PDE10A: variants seen among roughly 807,000 people sequenced by gnomAD.
The protein encoded by PDE10A is phosphodiesterase 10A, also known as cAMP and cAMP-inhibited cGMP 3',5'-cyclic phosphodiesterase 10A.
PDE10A carries 39 observed loss-of-function variants against 97.7 expected under a neutral mutation model. The ratio of observed to expected loss-of-function variants is 0.40; its 90% CI spans 0.31 to 0.52. The LOEUF (loss-of-function observed/expected upper bound fraction) is 0.52. Among genes scored for constraint, PDE10A ranks in the 20% least tolerant of loss-of-function variants. PDE10A has a pLI of 0.56. For missense variants in PDE10A, 731 were observed against 1,047.8 expected, an observed-to-expected ratio of 0.70 and a Z score of 4.17; for synonymous variants, 371 against 376.8, an observed-to-expected ratio of 0.98 and a Z score of 0.18.
Position 165,543,619 on chromosome 6 carries a change from C to G in PDE10A, c.866-51G>C, listed in dbSNP as rs995471558. On this transcript the variant is annotated intron_variant, in intron 1 of 21. Coordinates refer to ENST00000539869, the MANE Select transcript of PDE10A (RefSeq NM_001385079.1). The stretch of plus-strand genomic sequence containing the variant: ...ATTCACCTATACAACATCCTCATAT[C>G]AATGAAAGGTATAGTATCACAACAC... The G allele has an allele frequency of 1.1e-5, 15 of 1,421,602 alleles. No individual in the cohort carries two copies. The Admixed American group carries it at 2.4e-4, about 23-fold the overall frequency. 88.1% of individuals were successfully genotyped at this position (1,421,602 alleles called of 1,614,324 possible). A position where few individuals can be genotyped will look rare whatever the true frequency, so the allele number is the denominator to read the frequency against.
chr6:165,646,694 C>T (rs1789413772), intron 1 of PDE10A, among the ~76,000 whole-genome samples: 1 of 152,132 alleles, frequency 6.6e-6, no homozygotes, highest in Non-Finnish European at 1.5e-5. Flanking sequence ...GGCATCGCCA[C>T]CCACCTGCTC....
chr6:165,533,972 T>C lies in PDE10A; in HGVS notation c.994+9468A>G, dbSNP rs533153118. ...GCTGTGGATCCTTGGTCAAAAGGCATAAGTGATTTCCCTAACCTGGCCAAA... is the reference window on the plus strand; with the variant it reads ...GCTGTGGATCCTTGGTCAAAAGGCACAAGTGATTTCCCTAACCTGGCCAAA... On this transcript the variant is annotated intron_variant, in intron 2 of 21. Transcript: ENST00000539869. Among the ~76,000 whole-genome samples, 10 of 152,070 alleles carry C rather than the reference T, an allele frequency of 6.6e-5. No homozygotes were observed. In the South Asian group the frequency reaches 1.9e-3, roughly 28 times the overall value.
At chr6:165,758,096 G>A (rs191760597) in intron 1 of PDE10A, among the ~76,000 whole-genome samples, 133 of 152,280 alleles carry the variant, frequency 8.7e-4, no homozygotes, top group African/African-American at 2.9e-3. Context: ...TATGATTGAT[G>A]CTAAATTATC....
At chr6:165,759,759 C>T (rs1041280212) in intron 1 of PDE10A, among the ~76,000 whole-genome samples, 3 of 152,184 alleles carry the variant, frequency 2.0e-5, no homozygotes, top group Non-Finnish European at 4.4e-5. Flanking sequence ...TCAGTGAAAA[C>T]GTGGAAAACC....
chr6:165,889,835 G>A (rs117431321), intron 1 of PDE10A, among the ~76,000 whole-genome samples: 7,077 of 129,626 alleles, frequency 0.055, 245 homozygotes, highest in Middle Eastern at 0.12. Context: ...CCTCCCTCTC[G>A]CCCCACTCAC....
At chr6:165,595,731 G>C (rs914557133) in intron 1 of PDE10A, among the ~76,000 whole-genome samples, 25 of 152,224 alleles carry the variant, frequency 1.6e-4, no homozygotes, top group African/African-American at 5.8e-4. Context: ...AGCACCAGTA[G>C]ACTCAACGTC....
chr6:165,716,360 A>G (rs937606427), intron 1 of PDE10A, among the ~76,000 whole-genome samples: 4 of 152,226 alleles, frequency 2.6e-5, no homozygotes, highest in African/African-American at 9.7e-5. Context: ...ATTAAATGCA[A>G]GCTGCCTGGG....
At chr6:165,898,044 T>C (rs1782004668) in intron 1 of PDE10A, among the ~76,000 whole-genome samples, 1 of 148,106 alleles carries the variant, frequency 6.8e-6, no homozygotes, top group Non-Finnish European at 1.5e-5. Context: ...TCCCACATCG[T>C]GGCAAGGGCT....
intron 1 of PDE10A, among the ~76,000 whole-genome samples, chr6:165,582,354 G>A (rs777901035): frequency 6.6e-6 from 1 of 152,176 alleles, no homozygotes; most frequent in African/African-American, 2.4e-5. Context: ...AAACTGTACA[G>A]TGAGAGCTTC....
intron 1 of PDE10A, among the ~76,000 whole-genome samples, chr6:165,901,446 G>A (rs368139012): frequency 6.6e-6 from 1 of 152,242 alleles, no homozygotes; most frequent in East Asian, 1.9e-4. Flanking sequence ...CAGGGCTCCG[G>A]GTCTCACGTG....
chr6:165,448,107 A>G (rs924518009), intron 5 of PDE10A, among the ~76,000 whole-genome samples: 6 of 152,250 alleles, frequency 3.9e-5, no homozygotes, highest in African/African-American at 1.2e-4. Flanking sequence ...CAGGTAGCAT[A>G]TTGCAAAAAT....
chr6:165,457,676 C>T (rs1054056491), intron 3 of PDE10A, among the ~76,000 whole-genome samples: 1 of 152,108 alleles, frequency 6.6e-6, no homozygotes, highest in African/African-American at 2.4e-5. Flanking sequence ...TGTGGTGCCT[C>T]AGGGCATTTG....
chr6:165,668,722 G>A (rs1790559184), intron 1 of PDE10A, among the ~76,000 whole-genome samples: 1 of 146,070 alleles, frequency 6.8e-6, no homozygotes, highest in Non-Finnish European at 1.5e-5. Context: ...GAAAGAAAGA[G>A]AGAGAGAAAG....
intron 1 of PDE10A, among the ~76,000 whole-genome samples, chr6:165,613,881 T>C (rs549709726): frequency 2.0e-5 from 3 of 152,236 alleles, no homozygotes; most frequent in South Asian, 2.1e-4. Context: ...TCAAAATCTA[T>C]TGACTCAAAA....
At chr6:165,337,618 T>C (rs2128176428) in intron 20 of PDE10A, among the ~76,000 whole-genome samples, 1 of 152,230 alleles carries the variant, frequency 6.6e-6, no homozygotes, top group East Asian at 1.9e-4. Flanking sequence ...AATTTCACAG[T>C]CATCAACTAT....
chr6:165,351,260 A>G (rs1782677319), intron 18 of PDE10A, among the ~76,000 whole-genome samples: 1 of 152,232 alleles, frequency 6.6e-6, no homozygotes, highest in African/African-American at 2.4e-5. Flanking sequence ...CACAATGTCA[A>G]TATGAGTAAA....
chr6:165,374,092 A>AG (rs1260869877), intron 18 of PDE10A, among the ~76,000 whole-genome samples: 59 of 77,882 alleles, frequency 7.6e-4, no homozygotes, highest in African/African-American at 3.0e-3. Context: ...GGGTGGGGGG[A>AG]GGGGGGAGGG....
intron 1 of PDE10A, among the ~76,000 whole-genome samples, chr6:165,594,353 G>A (rs180993821): frequency 6.8e-4 from 104 of 152,236 alleles, no homozygotes; most frequent in Non-Finnish European, 1.1e-3. Flanking sequence ...AACGCATACT[G>A]GCCAAATCTG....
chr6:165,959,415 T>G (rs1209537281), intron 1 of PDE10A, among the ~76,000 whole-genome samples: 3 of 152,174 alleles, frequency 2.0e-5, no homozygotes, highest in Non-Finnish European at 4.4e-5. Flanking sequence ...ATAGGAAAAG[T>G]CATGGTGTTT....
Sources: allele counts gnomAD v4.1 joint callset (sites outside exome capture counted in the v4.1 genomes callset), GRCh38; gene constraint gnomAD v4.1.1; transcripts MANE v1.5; gene names NCBI Gene and HGNC (gene_info 2026-07-23, HGNC 2026-07-21).